ZNF536: variants seen among roughly 807,000 people sequenced by gnomAD.
ZNF536 encodes the protein zinc finger protein 536.
ZNF536 carries 13 observed loss-of-function variants against 84.5 expected under a neutral mutation model. The observed-to-expected ratio is 0.15, with a 90% CI of 0.10 to 0.24. The LOEUF (loss-of-function observed/expected upper bound fraction) is 0.24, where lower values mean the gene tolerates loss of function less well. ZNF536 is among the 10% of genes least tolerant of loss of function. The pLI, the probability that ZNF536 is intolerant of heterozygous loss-of-function variation, is 1.00. For missense variants in ZNF536, 1,536 were observed against 1,747.5 expected, an observed-to-expected ratio of 0.88 and a Z score of 2.16; for synonymous variants, 811 against 742.5, an observed-to-expected ratio of 1.09 and a Z score of -1.50.
intron 2 of ZNF536, among the ~76,000 whole-genome samples, chr19:30,307,132 G>A (rs189356931): frequency 1.2e-4 from 18 of 152,088 alleles, no homozygotes; most frequent in Admixed American, 3.9e-4. Context: ...TCTCGAATTC[G>A]CATGGCAACA....
At chr19:30,701,698 T>G (rs1183105397) in intron 1 of ZNF536, among the ~76,000 whole-genome samples, 1 of 152,206 alleles carries the variant, frequency 6.6e-6, no homozygotes, top group African/African-American at 2.4e-5. Context: ...CAGGAGCAGG[T>G]GGAGAGACGA....
At chr19:30,430,883 C>T (rs1397245875) in intron 1 of ZNF536, among the ~76,000 whole-genome samples, 1 of 152,208 alleles carries the variant, frequency 6.6e-6, no homozygotes, top group East Asian at 1.9e-4. Flanking sequence ...ACCATGCTGG[C>T]CAGGCTGGTC....
intron 1 of ZNF536, among the ~76,000 whole-genome samples, chr19:30,373,931 C>G (rs1003686788): frequency 1.3e-5 from 2 of 152,186 alleles, no homozygotes; most frequent in Admixed American, 6.5e-5. Flanking sequence ...GCCCCAGGGC[C>G]GCAGCCCACC....
At chr19:30,325,962 A>G (rs73924944) in intron 2 of ZNF536, among the ~76,000 whole-genome samples, 3,566 of 152,284 alleles carry the variant, frequency 0.023, 154 homozygotes, top group African/African-American at 0.081. Context: ...GATGTGCATC[A>G]CATACCTTGT....
intron 1 of ZNF536, among the ~76,000 whole-genome samples, chr19:30,585,171 A>G (rs189480583): frequency 6.4e-4 from 97 of 152,280 alleles, no homozygotes; most frequent in Non-Finnish European, 1.2e-3. Flanking sequence ...AAGCATTTTG[A>G]GAAGGCCCAA....
intron 1 of ZNF536, among the ~76,000 whole-genome samples, chr19:30,692,485 T>C (rs895187278): frequency 6.6e-6 from 1 of 152,202 alleles, no homozygotes; most frequent in Non-Finnish European, 1.5e-5. Context: ...ACCAGGGAGA[T>C]TGTAGAAGGC....
chr19:30,490,654 T>C (rs1017198770), intron 2 of ZNF536, among the ~76,000 whole-genome samples: 3 of 152,138 alleles, frequency 2.0e-5, no homozygotes, highest in African/African-American at 7.2e-5. Flanking sequence ...AATAAGGCCC[T>C]ATTGTTATCC....
intron 2 of ZNF536, among the ~76,000 whole-genome samples, chr19:30,307,843 C>T (rs1387819013): frequency 6.6e-6 from 1 of 152,194 alleles, no homozygotes; most frequent in Non-Finnish European, 1.5e-5. Context: ...TAGCGAGTTG[C>T]TCTTCTTACC....
intron 2 of ZNF536, among the ~76,000 whole-genome samples, chr19:30,510,076 C>T (rs886117212): frequency 1.3e-5 from 2 of 151,916 alleles, no homozygotes; most frequent in Admixed American, 6.6e-5. Context: ...TGGAAGTGTC[C>T]GGGGGCAGCC....
chr19:30,521,835 A>G (rs1485800864), intron 2 of ZNF536, among the ~76,000 whole-genome samples: 29 of 152,150 alleles, frequency 1.9e-4, no homozygotes, highest in Admixed American at 1.9e-3. Flanking sequence ...GGCCTGACTT[A>G]TAATCAAGAA....
intron 1 of ZNF536, among the ~76,000 whole-genome samples, chr19:30,254,099 G>T (rs566893793): frequency 6.6e-6 from 1 of 152,282 alleles, no homozygotes; most frequent in African/African-American, 2.4e-5. Context: ...CTTTAGCCGG[G>T]CTGAAACTTG....
intron 2 of ZNF536, among the ~76,000 whole-genome samples, chr19:30,303,268 C>A (rs774578229): frequency 6.6e-6 from 1 of 152,188 alleles, no homozygotes; most frequent in Non-Finnish European, 1.5e-5. Context: ...GGAGGGCAGG[C>A]GCCTTCCTTG....
chr19:30,678,392 G>A (rs548490922), intron 1 of ZNF536, among the ~76,000 whole-genome samples: 4 of 152,304 alleles, frequency 2.6e-5, no homozygotes, highest in African/African-American at 9.6e-5. Context: ...CAGGAGCCGA[G>A]TGCAGAGCCG....
intron 2 of ZNF536, among the ~76,000 whole-genome samples, chr19:30,497,615 G>C (rs1226415511): frequency 1.3e-5 from 2 of 152,186 alleles, no homozygotes; most frequent in African/African-American, 4.8e-5. Context: ...AAACCCACCT[G>C]AGTGGCCCAA....
intron 1 of ZNF536, among the ~76,000 whole-genome samples, chr19:30,381,472 G>A (rs781251715): frequency 6.6e-6 from 1 of 152,182 alleles, no homozygotes; most frequent in Non-Finnish European, 1.5e-5. Flanking sequence ...AGGAAGTGAC[G>A]CTTGATCTGG....
intron 3 of ZNF536, among the ~76,000 whole-genome samples, chr19:30,355,379 GT>G (rs1375659292): frequency 6.6e-6 from 1 of 152,016 alleles, no homozygotes; most frequent in Non-Finnish European, 1.5e-5. Flanking sequence ...GGGTCTCGTT[GT>G]TTTATTTTAT....
At chr19:30,345,236 C>T (rs959081674) in intron 2 of ZNF536, among the ~76,000 whole-genome samples, 4 of 100,814 alleles carry the variant, frequency 4.0e-5, no homozygotes, top group African/African-American at 7.4e-5. Context: ...GACCACGCCC[C>T]GGGGGCTCCC....
In ZNF536 at chr19:30,432,315, G is replaced by C. The variant is rs185259687; in HGVS notation, c.-2-11246G>C. Among the ~76,000 whole-genome samples, 146 of 152,236 alleles carry C rather than the reference G, an allele frequency of 9.6e-4. 3 individuals carry two copies. Among genetic ancestry groups the C allele is most frequent in the African/African-American group, 3.4e-3 (143 of 41,542 alleles). Reference sequence around the variant, plus strand: ...GATCATAAGCTTAGAGGACCAGGGGGCTTGGAGGACTTTCCATAGGGTGGG... The same window carrying C: ...GATCATAAGCTTAGAGGACCAGGGGCCTTGGAGGACTTTCCATAGGGTGGG... On this transcript the variant is annotated intron_variant, in intron 1 of 4. Transcript: ENST00000355537.
intron 1 of ZNF536, among the ~76,000 whole-genome samples, chr19:30,275,537 G>A (rs1471135475): frequency 2.0e-5 from 3 of 152,108 alleles, no homozygotes; most frequent in Admixed American, 6.5e-5. Context: ...GTTGCCTTGC[G>A]TTGGGGCACA....
Sources: gnomAD v4.1 joint callset for allele counts (sites outside exome capture counted in the v4.1 genomes callset) on GRCh38, gnomAD v4.1.1 for gene constraint, MANE v1.5 for transcripts, NCBI Gene and HGNC (gene_info 2026-07-23, HGNC 2026-07-21) for gene names.